The following ITPK1 variants were observed in gnomAD, a reference collection of about 807,000 sequenced individuals.
The protein encoded by ITPK1 is inositol-tetrakisphosphate 1-kinase, also known as inositol 1,3,4-trisphosphate 5/6-kinase.
A neutral mutation model predicts 45.3 loss-of-function variants in ITPK1; 21 were observed. The observed-to-expected ratio is 0.46, with a 90% CI of 0.33 to 0.67. ITPK1 has a LOEUF of 0.67. ITPK1 is among the 30% of genes least tolerant of loss of function. The probability of loss-of-function intolerance (pLI) is 0.02; values close to 1 mark genes in which losing one functional copy is unlikely to be tolerated. For missense variants in ITPK1, 474 were observed against 573.5 expected (o/e 0.83, Z 1.77); for synonymous variants, 258 against 253.6 (o/e 1.02, Z -0.16).
chr14:93,078,984 G>C (rs530667615), intron 2 of ITPK1, among the ~76,000 whole-genome samples: 5 of 151,886 alleles, frequency 3.3e-5, no homozygotes, highest in Non-Finnish European at 7.4e-5. Context: ...ACTTCCACTG[G>C]GCTCTGGGCC....
At chr14:93,092,721 G>C (rs1243364568) in intron 2 of ITPK1, among the ~76,000 whole-genome samples, 2 of 152,218 alleles carry the variant, frequency 1.3e-5, no homozygotes, top group Non-Finnish European at 2.9e-5. Flanking sequence ...CCAAAGCTGG[G>C]CCTAATGTGG....
intron 4 of ITPK1, among the ~76,000 whole-genome samples, chr14:93,001,034 C>T (rs1595125545): frequency 6.7e-6 from 1 of 149,602 alleles, no homozygotes; most frequent in African/African-American, 2.5e-5. Flanking sequence ...AATCCCACCA[C>T]TTTGGGAGGC....
At chr14:92,955,782 T>C (rs901447989) in intron 8 of ITPK1, among the ~76,000 whole-genome samples, 2 of 152,126 alleles carry the variant, frequency 1.3e-5, no homozygotes, top group Non-Finnish European at 2.9e-5. Flanking sequence ...GGAACCCCCA[T>C]CCCTGCGTGG....
intron 2 of ITPK1, among the ~76,000 whole-genome samples, chr14:93,090,209 C>T (rs55997915): frequency 0.11 from 16,660 of 152,036 alleles, 1,248 homozygotes; most frequent in East Asian, 0.25. Context: ...CCTAGCACAC[C>T]GGGCTTCCTG....
intron 2 of ITPK1, among the ~76,000 whole-genome samples, chr14:93,111,339 T>A (rs1747577869): frequency 6.6e-6 from 1 of 151,970 alleles, no homozygotes; most frequent in South Asian, 2.1e-4. Context: ...ACTACAAAAT[T>A]TAAAATTAAA....
chr14:93,114,334 C>T (rs1210629600), intron 2 of ITPK1, among the ~76,000 whole-genome samples: 2 of 152,248 alleles, frequency 1.3e-5, no homozygotes, highest in African/African-American at 4.8e-5. Flanking sequence ...AGCAGGGGCA[C>T]ACAGCCCAGA....
chr14:93,040,562 T>C (rs1355644376), intron 3 of ITPK1, among the ~76,000 whole-genome samples: 1 of 152,012 alleles, frequency 6.6e-6, no homozygotes, highest in African/African-American at 2.4e-5. Flanking sequence ...ATACTTGGAG[T>C]TCCCCCAAAT....
chr14:92,979,330 A>AT (rs1886102128), intron 5 of ITPK1, among the ~76,000 whole-genome samples: 1 of 152,246 alleles, frequency 6.6e-6, no homozygotes, highest in African/African-American at 2.4e-5. Flanking sequence ...GCCTTGTCTC[A>AT]GATGAGACTT....
chr14:93,010,755 A>ATGGT (rs1365176702), intron 4 of ITPK1, among the ~76,000 whole-genome samples: 1 of 152,210 alleles, frequency 6.6e-6, no homozygotes, highest in African/African-American at 2.4e-5. Flanking sequence ...ACGGTGACTG[A>ATGGT]TGGTTCACTA....
At chr14:92,998,787 A>T (rs1433616020) in intron 4 of ITPK1, 1 of 152,214 alleles carries the variant, frequency 6.6e-6, no homozygotes, top group African/African-American at 2.4e-5. Flanking sequence ...AAGAAATAAG[A>T]GCCAGCTACC....
At chr14:93,010,220 T>A (rs1474816788) in intron 4 of ITPK1, among the ~76,000 whole-genome samples, 2 of 152,170 alleles carry the variant, frequency 1.3e-5, no homozygotes, top group African/African-American at 4.8e-5. Context: ...GTGTTATTTA[T>A]CCTCTGATAG....
At chr14:93,110,645 A>C (rs1399453008) in intron 2 of ITPK1, among the ~76,000 whole-genome samples, 2 of 152,204 alleles carry the variant, frequency 1.3e-5, no homozygotes, top group Non-Finnish European at 2.9e-5. Flanking sequence ...GCTACCTACC[A>C]AGGGTGGTCA....
In ITPK1 at chr14:92,992,459, A is replaced by T. The variant is rs182211920; in HGVS notation, c.364+1421T>A. Among the ~76,000 whole-genome samples, 108 of 152,338 alleles carry T rather than the reference A, an allele frequency of 7.1e-4. 1 individual carries two copies. The highest frequency in any genetic ancestry group is 2.5e-3 in the African/African-American group (102 of 41,568). On this transcript the variant is annotated intron_variant, in intron 5 of 10. Coordinates refer to ENST00000267615, the MANE Select transcript of ITPK1 (RefSeq NM_014216.6). ...CAATCACTCCAGGCCTAGCAAATAA[A>T]GGCTGCTGGCATGTGCTAAGAAAGC...
chr14:92,953,533 C>T (rs962705333), intron 8 of ITPK1, among the ~76,000 whole-genome samples: 3 of 152,248 alleles, frequency 2.0e-5, no homozygotes, highest in African/African-American at 7.2e-5. Flanking sequence ...CGCTGCCCAC[C>T]TTCTCATCCT....
intron 2 of ITPK1, among the ~76,000 whole-genome samples, chr14:93,082,211 C>A (rs1027874105): frequency 3.3e-5 from 5 of 152,120 alleles, no homozygotes; most frequent in African/African-American, 1.2e-4. Context: ...ATAGTTGTGA[C>A]GCTCACAGTC....
chr14:92,946,626 T>C (rs1887704147), intron 9 of ITPK1, 133 bp from the exon 10 acceptor site: 2 of 894,728 alleles, frequency 2.2e-6, no homozygotes, highest in Admixed American at 2.3e-5. Flanking sequence ...AGACCTACTG[T>C]GGTGAGCACG....
chr14:92,941,331 G>C lies in ITPK1; in HGVS notation c.*230C>G. On this transcript the variant is annotated 3_prime_UTR_variant, in exon 11 of 11. Coordinates refer to ENST00000267615, the MANE Select transcript of ITPK1 (RefSeq NM_014216.6). ...TAAACTCAGTTAGGAGGTCTGCACA[G>C]TAGAGAGCAGGCGGACGGCCCCACT... 7.1e-7 allele frequency: 1 copy of C among 1,412,558 alleles called. No individual in the cohort carries two copies. The highest frequency in any genetic ancestry group is 9.2e-7 in the Non-Finnish European group (1 of 1,090,702). 87.5% of individuals were successfully genotyped at this position (1,412,558 alleles called of 1,614,324 possible).
intron 2 of ITPK1, among the ~76,000 whole-genome samples, chr14:93,084,466 T>C (rs1204322998): frequency 6.6e-6 from 1 of 152,170 alleles, no homozygotes. Flanking sequence ...ACTTAAGAAG[T>C]GGGATACACA....
intron 9 of ITPK1, among the ~76,000 whole-genome samples, chr14:92,950,907 G>A (rs74921205): frequency 0.025 from 3,785 of 152,342 alleles, 150 homozygotes; most frequent in African/African-American, 0.087. Flanking sequence ...GAGGGATGGC[G>A]ATGTTCCCTC....
Sources: gnomAD v4.1 joint callset for allele counts (sites outside exome capture counted in the v4.1 genomes callset) on GRCh38, gnomAD v4.1.1 for gene constraint, MANE v1.5 for transcripts, NCBI Gene and HGNC (gene_info 2026-07-23, HGNC 2026-07-21) for gene names.